AGBL4: variants seen among roughly 807,000 people sequenced by gnomAD.
AGBL4 encodes AGBL carboxypeptidase 4, also known as cytosolic carboxypeptidase 6.
In AGBL4, 58 loss-of-function variants were observed where a neutral mutation model predicts 66.4. The ratio of observed to expected loss-of-function variants is 0.87; its 90% CI spans 0.71 to 1.09. The LOEUF (loss-of-function observed/expected upper bound fraction) is 1.09, where lower values mean the gene tolerates loss of function less well. AGBL4 is among the 50% of genes least tolerant of loss of function. AGBL4 has a pLI of 0.00. For synonymous variants in AGBL4, 234 were observed against 222.9 expected (o/e 1.05, Z -0.44); for missense variants, 579 against 631.0 (o/e 0.92, Z 0.88).
At chr1:49,346,904 G>C (rs928665339) in intron 3 of AGBL4, among the ~76,000 whole-genome samples, 1 of 152,142 alleles carries the variant, frequency 6.6e-6, no homozygotes, top group African/African-American at 2.4e-5. Flanking sequence ...CAGGAGCTTA[G>C]GCATTCTTAA....
intron 6 of AGBL4, among the ~76,000 whole-genome samples, chr1:48,719,385 T>C (rs988068137): frequency 2.6e-5 from 4 of 152,092 alleles, no homozygotes; most frequent in Admixed American, 2.6e-4. Flanking sequence ...GGAAGGGGGG[T>C]GGGCATCTGC....
At chr1:49,637,693 G>A (rs948963358) in intron 3 of AGBL4, among the ~76,000 whole-genome samples, 8 of 152,022 alleles carry the variant, frequency 5.3e-5, no homozygotes, top group Non-Finnish European at 1.0e-4. Flanking sequence ...AGCTCATTAT[G>A]AATATTTATC....
chr1:49,889,027 C>G (rs1202906124), intron 1 of AGBL4, among the ~76,000 whole-genome samples: 1 of 152,162 alleles, frequency 6.6e-6, no homozygotes, highest in Non-Finnish European at 1.5e-5. Context: ...AAATTGTTCA[C>G]AGTTGTTCAC....
chr1:49,622,015 T>C (rs1645369985), intron 3 of AGBL4, among the ~76,000 whole-genome samples: 1 of 152,214 alleles, frequency 6.6e-6, no homozygotes, highest in African/African-American at 2.4e-5. Context: ...CTAATGAATC[T>C]AGAAGTATTG....
intron 2 of AGBL4, among the ~76,000 whole-genome samples, chr1:49,799,472 A>G (rs1023835847): frequency 2.0e-5 from 3 of 152,176 alleles, no homozygotes; most frequent in Admixed American, 6.5e-5. Context: ...CATTGGAAAG[A>G]TCTGAGAAAG....
intron 1 of AGBL4, among the ~76,000 whole-genome samples, chr1:49,918,252 G>C (rs1468936502): frequency 6.6e-6 from 1 of 152,084 alleles, no homozygotes; most frequent in African/African-American, 2.4e-5. Flanking sequence ...CACTGAAGGA[G>C]ATAGAGACAC....
intron 3 of AGBL4, among the ~76,000 whole-genome samples, chr1:49,583,425 G>A (rs777951133): frequency 6.6e-6 from 1 of 152,148 alleles, no homozygotes; most frequent in African/African-American, 2.4e-5. Flanking sequence ...GTTTCCCTGA[G>A]TTACATGGGT....
intron 5 of AGBL4, among the ~76,000 whole-genome samples, chr1:48,978,743 C>G (rs1318242859): frequency 6.6e-6 from 1 of 152,104 alleles, no homozygotes; most frequent in Non-Finnish European, 1.5e-5. Context: ...AATTTTGTTT[C>G]CCTGAATGAA....
intron 8 of AGBL4, among the ~76,000 whole-genome samples, chr1:48,639,130 C>A (rs1013440848): frequency 2.6e-5 from 4 of 152,180 alleles, no homozygotes; most frequent in Non-Finnish European, 5.9e-5. Context: ...CTAGATCCAG[C>A]CTGCTAATAA....
chr1:49,608,501 C>T (rs958126450), intron 3 of AGBL4, among the ~76,000 whole-genome samples: 39 of 152,142 alleles, frequency 2.6e-4, no homozygotes, highest in African/African-American at 8.2e-4. Context: ...CCATCCAGGC[C>T]TTAGCCTGCT....
At chr1:49,688,036 A>G (rs941860664) in intron 3 of AGBL4, among the ~76,000 whole-genome samples, 2 of 152,324 alleles carry the variant, frequency 1.3e-5, no homozygotes, top group Non-Finnish European at 1.5e-5. Flanking sequence ...TGGGGTATGC[A>G]TCCCTCAAGC....
chr1:48,636,256 CA>C (rs1242333948), intron 8 of AGBL4, among the ~76,000 whole-genome samples: 1 of 152,194 alleles, frequency 6.6e-6, no homozygotes, highest in African/African-American at 2.4e-5. Context: ...ACCTTCCTAT[CA>C]CTCAGATATA....
intron 6 of AGBL4, among the ~76,000 whole-genome samples, chr1:48,745,336 G>C (rs1650573351): frequency 6.6e-6 from 1 of 152,178 alleles, no homozygotes; most frequent in South Asian, 2.1e-4. Context: ...AATCAGGGCT[G>C]TTAAGTTGAA....
chr1:49,842,818 T>C (rs1395447662), intron 2 of AGBL4, among the ~76,000 whole-genome samples: 2 of 152,180 alleles, frequency 1.3e-5, no homozygotes, highest in African/African-American at 4.8e-5. Flanking sequence ...TGAGGCAGTC[T>C]GAGAGAATAC....
intron 4 of AGBL4, among the ~76,000 whole-genome samples, chr1:49,240,006 T>C (rs1361875192): frequency 6.6e-6 from 1 of 151,984 alleles, no homozygotes; most frequent in Non-Finnish European, 1.5e-5. Flanking sequence ...TTTTACAAAA[T>C]ATTAATTTAT....
intron 3 of AGBL4, among the ~76,000 whole-genome samples, chr1:49,563,879 G>A (rs1644121063): frequency 6.6e-6 from 1 of 152,146 alleles, no homozygotes. Flanking sequence ...GTTTCAGAAG[G>A]AATGGTACCA....
At chr1:49,074,925 C>T (rs551167733) in intron 4 of AGBL4, among the ~76,000 whole-genome samples, 13 of 152,214 alleles carry the variant, frequency 8.5e-5, no homozygotes, top group Admixed American at 3.9e-4. Flanking sequence ...TCACTCTTTT[C>T]CTAAACTCCA....
intron 1 of AGBL4, among the ~76,000 whole-genome samples, chr1:49,925,841 T>C (rs1231421676): frequency 1.3e-5 from 2 of 152,314 alleles, no homozygotes; most frequent in Admixed American, 6.5e-5. Flanking sequence ...GTGTCTTGGA[T>C]GCCAGCTCAG....
chr1:49,552,439 A>G (rs1653039899), intron 3 of AGBL4, among the ~76,000 whole-genome samples: 1 of 152,180 alleles, frequency 6.6e-6, no homozygotes, highest in South Asian at 2.1e-4. Flanking sequence ...CCAGACAGGA[A>G]TGGCCTGCTT....
Sources: allele counts gnomAD v4.1 joint callset (sites outside exome capture counted in the v4.1 genomes callset), GRCh38; gene constraint gnomAD v4.1.1; transcripts MANE v1.5; gene names NCBI Gene and HGNC (gene_info 2026-07-23, HGNC 2026-07-21).